The following DNAJB13 variants were observed in gnomAD, a reference collection of about 807,000 sequenced individuals.
The protein encoded by DNAJB13 is dnaJ homolog subfamily B member 13.
A neutral mutation model predicts 35.6 loss-of-function variants in DNAJB13; 22 were observed. That is an observed-to-expected ratio of 0.62 (90% CI 0.44 to 0.88). The LOEUF (loss-of-function observed/expected upper bound fraction) is 0.88, where lower values mean the gene tolerates loss of function less well. Among genes scored for constraint, DNAJB13 ranks in the 40% least tolerant of loss-of-function variants. The pLI is 0.00. For synonymous variants in DNAJB13, 136 were observed against 144.2 expected, an observed-to-expected ratio of 0.94 and a Z score of 0.41; for missense variants, 370 against 384.3, an observed-to-expected ratio of 0.96 and a Z score of 0.31.
At chr11:73,965,308 C>T (rs1565176421) in intron 4 of DNAJB13, 2 of 297,722 alleles carry the variant, frequency 6.7e-6, no homozygotes, top group Non-Finnish European at 1.2e-5. Context: ...AGTTCAGCCC[C>T]ATCCCCGTGG....
intron 1 of DNAJB13, among the ~76,000 whole-genome samples, chr11:73,955,175 C>T (rs911976956): frequency 4.6e-5 from 7 of 151,976 alleles, no homozygotes; most frequent in Non-Finnish European, 8.8e-5. Context: ...ATAATTGCAG[C>T]GTTCAAGCTG....
intron 3 of DNAJB13, chr11:73,964,547 A>C: frequency 1.8e-5 from 5 of 276,664 alleles, no homozygotes; most frequent in Non-Finnish European, 2.7e-5. Context: ...GAGTTACGGT[A>C]TCCGAGTTGT....
In DNAJB13 at chr11:73,951,127, A is replaced by G. The variant is rs772919837; in HGVS notation, c.58A>G (p.Ile20Val). The change falls in exon 1 of 8, where the codon ATC becomes GTC. Residue 20 changes from isoleucine (I) to valine (V), a missense_variant. Physicochemically the swap from Ile to Val is conservative, Grantham distance 29 (BLOSUM62 3). Transcript: ENST00000339764. ...GITRNSEDAQIKQAYRRLALK... is the reference protein window; with the variant it reads ...GITRNSEDAQVKQAYRRLALK... ...CACTCGCAATTCAGAGGATGCCCAG[A>G]TCAAGCAGGCGTAAGTTGGGGTGGG... 6.2e-7 allele frequency: 1 copy of G among 1,614,082 alleles called. No homozygotes were observed. The highest frequency in any genetic ancestry group is 8.5e-7 in the Non-Finnish European group (1 of 1,180,014).
Position 73,959,518 on chromosome 11 carries a change from A to G in DNAJB13, c.197A>G (p.Lys66Arg). The stretch of plus-strand genomic sequence containing the variant: ...GCCATGAAGAGAGGCATCTACGACA[A>G]GTTTGGAGAAGAGGGCCTGAAGGGT... ...SDPMKRGIYD[K>R]FGEEGLKGGI... The change falls in exon 3 of 8, where the codon AAG (lysine) becomes AGG (arginine). Residue 66 changes from lysine (K) to arginine (R), a missense_variant. By Grantham distance (26) the Lys-to-Arg change is conservative. Transcript: ENST00000339764. The G allele has an allele frequency of 1.2e-6, 2 of 1,613,964 alleles. No individual in the cohort carries two copies. Among genetic ancestry groups the G allele is most frequent in the Non-Finnish European group, 1.7e-6 (2 of 1,179,914 alleles).
intron 2 of DNAJB13, 43 bp from the exon 3 acceptor site, chr11:73,959,451 C>A (rs1371777424): frequency 6.3e-7 from 1 of 1,582,864 alleles, no homozygotes; most frequent in Non-Finnish European, 8.6e-7. Flanking sequence ...CCTATCTCAG[C>A]CCCCAAAGTT....
intron 5 of DNAJB13, among the ~76,000 whole-genome samples, chr11:73,967,364 A>T (rs1240961198): frequency 6.6e-6 from 1 of 152,200 alleles, no homozygotes; most frequent in Non-Finnish European, 1.5e-5. Flanking sequence ...AGGCGTGCTG[A>T]ATCCTTAAGT....
At chr11:73,955,520 C>A (rs1483856062) in intron 1 of DNAJB13, among the ~76,000 whole-genome samples, 3 of 151,754 alleles carry the variant, frequency 2.0e-5, no homozygotes, top group Non-Finnish European at 4.4e-5. Context: ...TGTTGGCCAG[C>A]CTGGTCTCGA....
intron 3 of DNAJB13, 68 bp from the exon 4 acceptor site, chr11:73,964,810 T>TGTGTGTGTGTGTGC (rs1554992063): frequency 2.7e-5 from 19 of 705,584 alleles, no homozygotes; most frequent in South Asian, 3.4e-5. Flanking sequence ...TGTGTGTGTG[T>TGTGTGTGTGTGTGC]GTGCGCGCGC....
In DNAJB13 at chr11:73,969,320, C is replaced by T. The variant is rs150416952; in HGVS notation, c.795C>T (p.Ile265=). 30 of 872,410 alleles carry T rather than the reference C, an allele frequency of 3.4e-5. No homozygotes were observed. The African/African-American group carries it at 4.2e-4, about 12-fold the overall frequency. The allele number at this position is 872,410 out of a possible 1,614,324, so 54.0% of individuals were successfully genotyped here. The part of the protein sequence containing the change: ...RLLNIPINDI[I]HPKYFKKVPG... ...TCAACATCCCCATCAATGACATCAT[C>T]CAGTGAGTCCATCTGCCTTGGGCCC... The change falls in exon 7 of 8, where the codon ATC becomes ATT. Residue 265 remains isoleucine (I), a splice_region_variant and synonymous_variant. Coordinates refer to ENST00000339764, the MANE Select transcript of DNAJB13 (RefSeq NM_153614.4).
Position 73,958,426 on chromosome 11 carries a change from T to TA in DNAJB13, c.172+7dup. The stretch of plus-strand genomic sequence containing the variant: ...CTACGACGTGCTGAGTGACCGTGAG[T>TA]AGGTGTGGGGCTGAGCACCCCGCTT... On this transcript the variant is annotated splice_region_variant and intron_variant, in intron 2 of 7. Transcript: ENST00000339764. 1 of 1,613,414 alleles carries TA rather than the reference T, an allele frequency of 6.2e-7. No homozygotes were observed. Among genetic ancestry groups the TA allele is most frequent in the Non-Finnish European group, 8.5e-7 (1 of 1,179,530 alleles).
rs548771261 is a variant in DNAJB13, at chr11:73,959,711, G to T, written c.334+56G>T. ...ATAGAGAAAGGACACTGCTATAAGTGATGTTTTCGTTGAGTAGTTTTGTTT... is the reference window on the plus strand; with the variant it reads ...ATAGAGAAAGGACACTGCTATAAGTTATGTTTTCGTTGAGTAGTTTTGTTT... On this transcript the variant is annotated intron_variant, in intron 3 of 7. Coordinates refer to ENST00000339764, the MANE Select transcript of DNAJB13 (RefSeq NM_153614.4). 4.2e-6 allele frequency: 6 copies of T among 1,444,768 alleles called. No individual in the cohort carries two copies. In the South Asian group the frequency reaches 6.3e-5, roughly 15 times the overall value. 89.5% of individuals were successfully genotyped at this position (1,444,768 alleles called of 1,614,324 possible).
chr11:73,955,698 G>A (rs1036768836), intron 1 of DNAJB13, among the ~76,000 whole-genome samples: 5 of 152,142 alleles, frequency 3.3e-5, no homozygotes, highest in African/African-American at 1.2e-4. Flanking sequence ...GTGGTGGTGG[G>A]CACCTGTAGT....
chr11:73,968,163 G>A lies in DNAJB13; in HGVS notation c.607-182G>A, dbSNP rs185714513. The A allele has an allele frequency of 1.3e-5, 8 of 613,842 alleles. No homozygotes were observed. In the Admixed American group the frequency reaches 1.4e-4, roughly 11 times the overall value. The allele number at this position is 613,842 out of a possible 1,614,324, so 38.0% of individuals were successfully genotyped here. On this transcript the variant is annotated intron_variant, in intron 5 of 7. Transcript: ENST00000339764. ...AGTAATTCTGGGGGGATTCATTTGG[G>A]TAAGCTTCTCGGGCTTCTAATCCAT...
At chr11:73,954,270 G>A (rs1358553548) in intron 1 of DNAJB13, among the ~76,000 whole-genome samples, 1 of 151,220 alleles carries the variant, frequency 6.6e-6, no homozygotes, top group African/African-American at 2.4e-5. Context: ...AGGTTGCAGT[G>A]AGCCGAGATC....
intron 3 of DNAJB13, among the ~76,000 whole-genome samples, chr11:73,962,311 C>A (rs565717264): frequency 2.7e-5 from 4 of 149,826 alleles, no homozygotes; most frequent in African/African-American, 9.8e-5. Flanking sequence ...TAGCATCTGA[C>A]AAGAGTGAGT....
chr11:73,952,853 G>A (rs903852936), intron 1 of DNAJB13, among the ~76,000 whole-genome samples: 3 of 152,194 alleles, frequency 2.0e-5, no homozygotes, highest in African/African-American at 7.2e-5. Context: ...AATAAAGGTT[G>A]CTGTGAGATT....
Position 73,964,765 on chromosome 11 carries a change from CTG to C in DNAJB13, c.335-66_335-65del, listed in dbSNP as rs3222042. 0.076 allele frequency: 49,041 copies of C among 646,302 alleles called. 735 individuals are homozygous for C. Among genetic ancestry groups the C allele is most frequent in the East Asian group, 0.13 (3,568 of 28,246 alleles). 40.0% of individuals were successfully genotyped at this position (646,302 alleles called of 1,614,324 possible). A position where few individuals can be genotyped will look rare whatever the true frequency, so the allele number is the denominator to read the frequency against. On this transcript the variant is annotated intron_variant, in intron 3 of 7. Transcript: ENST00000339764. ...TGGGGAGCATATCTGGATAGGGAGG[CTG>C]TGTGTGTGTGTGTGTGTGTGTGTGT... is the stretch of plus-strand genomic sequence containing the variant.
intron 4 of DNAJB13, chr11:73,965,925 G>A (rs1951102056): frequency 1.8e-6 from 1 of 544,572 alleles, no homozygotes; most frequent in Non-Finnish European, 3.3e-6. Flanking sequence ...GGTTGTCATG[G>A]CAACAGGATG....
chr11:73,965,121 C>T, intron 4 of DNAJB13, 86 bp downstream of exon 4: 1 of 1,398,830 alleles, frequency 7.1e-7, no homozygotes, highest in South Asian at 1.4e-5. Flanking sequence ...TGGGAGGACT[C>T]AGGGATGGTC....
Sources: allele counts gnomAD v4.1 joint callset (sites outside exome capture counted in the v4.1 genomes callset), GRCh38; gene constraint gnomAD v4.1.1; transcripts MANE v1.5; gene names NCBI Gene and HGNC (gene_info 2026-07-23, HGNC 2026-07-21).